Variants in GALNT13 observed in about 807,000 individuals in gnomAD.
The protein encoded by GALNT13 is polypeptide N-acetylgalactosaminyltransferase 13.
A neutral mutation model predicts 64.2 loss-of-function variants in GALNT13; 28 were observed. The observed-to-expected ratio is 0.44, with a 90% CI of 0.32 to 0.60. The LOEUF is 0.60. GALNT13 is among the 20% of genes least tolerant of loss of function. The probability of loss-of-function intolerance (pLI) is 0.05; values close to 1 mark genes in which losing one functional copy is unlikely to be tolerated. For synonymous variants in GALNT13, 214 were observed against 224.6 expected (o/e 0.95, Z 0.42); for missense variants, 577 against 669.8 (o/e 0.86, Z 1.53).
intron 4 of GALNT13, among the ~76,000 whole-genome samples, chr2:154,155,306 G>A (rs207462567): frequency 1.3e-5 from 2 of 151,988 alleles, no homozygotes; most frequent in African/African-American, 2.4e-5. Flanking sequence ...TGGTTAAAAT[G>A]TGTATTTTTT....
At chr2:153,431,081 C>T in the GALNT13 span, among the ~76,000 whole-genome samples, 4 of 148,834 alleles carry the variant, frequency 2.7e-5, no homozygotes, top group Non-Finnish European at 3.0e-5. Context: ...ACCTGGGAGG[C>T]GGAGGTTGCA....
intron 4 of GALNT13, among the ~76,000 whole-genome samples, chr2:154,241,542 G>A (rs1276148114): frequency 6.6e-6 from 1 of 152,156 alleles, no homozygotes; most frequent in Non-Finnish European, 1.5e-5. Context: ...AGTAGACATT[G>A]TTTATAGCAT....
chr2:154,367,376 C>T (rs1697428852), intron 9 of GALNT13, among the ~76,000 whole-genome samples: 1 of 152,078 alleles, frequency 6.6e-6, no homozygotes, highest in Non-Finnish European at 1.5e-5. Flanking sequence ...GTAGGCCAGG[C>T]AGTAGAAAGC....
the GALNT13 span, among the ~76,000 whole-genome samples, chr2:153,791,222 G>A: frequency 3.3e-5 from 5 of 152,012 alleles, no homozygotes; most frequent in Non-Finnish European, 5.9e-5. Flanking sequence ...ACCATGAACA[G>A]CCTCTTCTCG....
At chr2:153,445,746 G>C in the GALNT13 span, among the ~76,000 whole-genome samples, 2 of 152,042 alleles carry the variant, frequency 1.3e-5, no homozygotes, top group Non-Finnish European at 2.9e-5. Context: ...ATCAATCATG[G>C]AGATTCAGGG....
the GALNT13 span, among the ~76,000 whole-genome samples, chr2:153,657,164 C>G: frequency 6.6e-6 from 1 of 152,050 alleles, no homozygotes; most frequent in Non-Finnish European, 1.5e-5. Flanking sequence ...TTCTGTCTGG[C>G]TCAAACAAAG....
At chr2:153,977,854 T>C (rs1340905716) in intron 3 of GALNT13, among the ~76,000 whole-genome samples, 4 of 152,158 alleles carry the variant, frequency 2.6e-5, no homozygotes, top group Non-Finnish European at 5.9e-5. Flanking sequence ...TTCTAACTTC[T>C]TCTCAAGACT....
chr2:154,392,781 A>G (rs1361742598), intron 9 of GALNT13, among the ~76,000 whole-genome samples: 2 of 152,208 alleles, frequency 1.3e-5, no homozygotes, highest in Non-Finnish European at 2.9e-5. Flanking sequence ...ACTAAGGAAC[A>G]GGCAATAGTG....
chr2:153,986,933 G>T lies in GALNT13; in HGVS notation c.142+42294G>T, dbSNP rs1018830699. Reference sequence around the variant, plus strand: ...GGAATGAGAAGAAATAATATAATCAGATACACATTTTAAAATTTTTCCTTC... The same window carrying T: ...GGAATGAGAAGAAATAATATAATCATATACACATTTTAAAATTTTTCCTTC... On this transcript the variant is annotated intron_variant, in intron 3 of 12. Transcript: ENST00000392825. Among the ~76,000 whole-genome samples the T allele has an allele frequency of 4.0e-5, 6 of 151,894 alleles. No individual in the cohort carries two copies. In the East Asian group the frequency reaches 1.2e-3, roughly 29 times the overall value.
the GALNT13 span, among the ~76,000 whole-genome samples, chr2:153,685,288 C>A: frequency 6.6e-6 from 1 of 151,570 alleles, no homozygotes; most frequent in African/African-American, 2.4e-5. Flanking sequence ...CAAGTTTTTT[C>A]TTGTATACTC....
chr2:154,183,755 C>G (rs1686095662), intron 4 of GALNT13, among the ~76,000 whole-genome samples: 1 of 151,178 alleles, frequency 6.6e-6, no homozygotes, highest in Admixed American at 6.6e-5. Context: ...TTTTGATTCT[C>G]TTTTCAAAAA....
At chr2:153,529,276 A>C in the GALNT13 span, among the ~76,000 whole-genome samples, 2 of 152,096 alleles carry the variant, frequency 1.3e-5, no homozygotes, top group Non-Finnish European at 1.5e-5. Flanking sequence ...TGTGGCTACT[A>C]TGAGCAACTA....
At chr2:153,877,425 A>G (rs1201106646) in intron 1 of GALNT13, among the ~76,000 whole-genome samples, 1 of 152,170 alleles carries the variant, frequency 6.6e-6, no homozygotes, top group Non-Finnish European at 1.5e-5. Context: ...TAGCCACTGT[A>G]AACAGAAAGA....
chr2:153,846,378 A>C, the GALNT13 span, among the ~76,000 whole-genome samples: 2 of 152,136 alleles, frequency 1.3e-5, no homozygotes, highest in Admixed American at 1.3e-4. Context: ...TAAAAGTAGA[A>C]TGTATATTGA....
chr2:153,641,773 T>G, the GALNT13 span, among the ~76,000 whole-genome samples: 1 of 151,870 alleles, frequency 6.6e-6, no homozygotes, highest in Non-Finnish European at 1.5e-5. Flanking sequence ...AATATTTTCC[T>G]TTGATTATTT....
the GALNT13 span, among the ~76,000 whole-genome samples, chr2:153,273,604 G>A: frequency 6.6e-6 from 1 of 152,164 alleles, no homozygotes; most frequent in Admixed American, 6.5e-5. Context: ...TATGTCTGAA[G>A]AGTCATGATT....
rs34582475 is a variant in GALNT13 at position 154,143,860 on chromosome 2, C to CA, written c.311+3381dup. ...TGGGTGACAGAGTAAGACTCTGTCT[C>CA]AAAAAAAAAAAAAAAAAAAAAAAAA... is the stretch of plus-strand genomic sequence containing the variant. On this transcript the variant is annotated intron_variant, in intron 4 of 12. Transcript: ENST00000392825. Among the ~76,000 whole-genome samples, 310 of 58,792 alleles carry CA rather than the reference C, an allele frequency of 5.3e-3. 4 individuals are homozygous for CA. Among genetic ancestry groups the CA allele is most frequent in the East Asian group, 0.013 (13 of 966 alleles). 38.6% of individuals were successfully genotyped at this position (58,792 alleles called of 152,430 possible). A position where few individuals can be genotyped will look rare whatever the true frequency, so the allele number is the denominator to read the frequency against.
chr2:153,070,986 A>G, the GALNT13 span, among the ~76,000 whole-genome samples: 2 of 152,200 alleles, frequency 1.3e-5, no homozygotes, highest in Non-Finnish European at 2.9e-5. Context: ...CACTGAAATT[A>G]TTATTTTTTT....
chr2:153,354,869 T>C, the GALNT13 span, among the ~76,000 whole-genome samples: 209 of 152,220 alleles, frequency 1.4e-3, no homozygotes, highest in Non-Finnish European at 2.6e-3. Flanking sequence ...GTTGTTATCC[T>C]AACGCATTGA....
Sources: allele counts gnomAD v4.1 joint callset (sites outside exome capture counted in the v4.1 genomes callset), GRCh38; gene constraint gnomAD v4.1.1; transcripts MANE v1.5; gene names NCBI Gene and HGNC (gene_info 2026-07-23, HGNC 2026-07-21).